EIF4E: variants seen among roughly 807,000 people sequenced by gnomAD.
EIF4E encodes the protein eIF-4F 25 kDa subunit.
For missense variants in EIF4E, 113 were observed against 265.6 expected, an observed-to-expected ratio of 0.43 and a Z score of 3.99; for synonymous variants, 71 against 88.5, an observed-to-expected ratio of 0.80 and a Z score of 1.11.
intron 3 of EIF4E, 105 bp from the exon 4 acceptor site, chr4:98,888,057 A>C: frequency 4.1e-6 from 4 of 982,458 alleles, no homozygotes; most frequent in Non-Finnish European, 4.5e-6. Context: ...AAACAGATAA[A>C]AGTTCATGTT....
At chr4:98,888,635 C>T (rs898119251) in intron 3 of EIF4E, among the ~76,000 whole-genome samples, 2 of 152,144 alleles carry the variant, frequency 1.3e-5, no homozygotes, top group Non-Finnish European at 1.5e-5. Flanking sequence ...ATAACATTTG[C>T]GATGACTTAG....
At chr4:98,900,467 A>C (rs1288913862) in intron 2 of EIF4E, among the ~76,000 whole-genome samples, 1 of 152,124 alleles carries the variant, frequency 6.6e-6, no homozygotes, top group Non-Finnish European at 1.5e-5. Flanking sequence ...CATTTAAAAA[A>C]ATTGAGATCA....
At chr4:98,922,251 T>C (rs1286979817) in intron 1 of EIF4E, among the ~76,000 whole-genome samples, 1 of 152,166 alleles carries the variant, frequency 6.6e-6, no homozygotes. Context: ...TTACTTCATC[T>C]GTACTGTTAA....
chr4:98,915,988 C>T (rs556347958), intron 1 of EIF4E, among the ~76,000 whole-genome samples: 11 of 151,028 alleles, frequency 7.3e-5, no homozygotes, highest in Admixed American at 5.9e-4. Flanking sequence ...GTCAGGAGTT[C>T]GAGACCAGCC....
chr4:98,886,915 A>G, intron 5 of EIF4E, 164 bp downstream of exon 5: 1 of 662,550 alleles, frequency 1.5e-6, no homozygotes, highest in Non-Finnish European at 2.6e-6. Flanking sequence ...TCACTGTACT[A>G]TAAACAGGAG....
At chr4:98,901,437 G>A (rs1364889081) in intron 2 of EIF4E, among the ~76,000 whole-genome samples, 1 of 151,602 alleles carries the variant, frequency 6.6e-6, no homozygotes, top group Admixed American at 6.6e-5. Context: ...GACCTCAGGT[G>A]ATCCGCCCGC....
chr4:98,881,217 A>G (rs1228520107), intron 6 of EIF4E, 75 bp from the exon 7 acceptor site: 1 of 1,537,264 alleles, frequency 6.5e-7, no homozygotes, highest in Non-Finnish European at 8.8e-7. Flanking sequence ...TTAAAAATTT[A>G]GGGTTATTAG....
Position 98,887,257 on chromosome 4 carries a change from A to G in EIF4E, c.286-65T>C. ...ACCTTGACTTTGAGAGATAATCATT[A>G]GAAACAGTTAAGCAACAACACTGTC... On this transcript the variant is annotated intron_variant, in intron 4 of 6. Transcript: ENST00000450253. This position sits in a 1 kb window ranked among gnomAD's most constrained non-coding sequence, Gnocchi z 4.0. 2 of 1,515,174 alleles carry G rather than the reference A, an allele frequency of 1.3e-6. No individual in the cohort carries two copies. Among genetic ancestry groups the G allele is most frequent in the Non-Finnish European group, 1.8e-6 (2 of 1,091,292 alleles). 93.9% of individuals were successfully genotyped at this position (1,515,174 alleles called of 1,614,324 possible). A position where few individuals can be genotyped will look rare whatever the true frequency, so the allele number is the denominator to read the frequency against.
chr4:98,905,197 C>T (rs1724818387), intron 1 of EIF4E, among the ~76,000 whole-genome samples: 1 of 149,590 alleles, frequency 6.7e-6, no homozygotes, highest in South Asian at 2.1e-4. Context: ...AAATTACATC[C>T]TAAATGACCG....
intron 1 of EIF4E, among the ~76,000 whole-genome samples, chr4:98,915,294 G>A (rs951498213): frequency 7.3e-5 from 11 of 151,220 alleles, no homozygotes; most frequent in Non-Finnish European, 1.5e-4. Context: ...GAAAAGGTAC[G>A]AAGAAGGATA....
chr4:98,911,358 T>G (rs1392575077), intron 1 of EIF4E, among the ~76,000 whole-genome samples: 1 of 141,758 alleles, frequency 7.1e-6, no homozygotes, highest in Non-Finnish European at 1.5e-5. Flanking sequence ...CATTCTTAAC[T>G]ACTAGAAAGA....
chr4:98,889,672 T>C (rs1486381520), intron 3 of EIF4E, among the ~76,000 whole-genome samples: 2 of 152,226 alleles, frequency 1.3e-5, no homozygotes, highest in South Asian at 2.1e-4. Context: ...AAACCTACTA[T>C]GTAATGACAT....
chr4:98,884,776 C>T lies in EIF4E; in HGVS notation c.539+146G>A, dbSNP rs576595045. The T allele has an allele frequency of 1.1e-4, 117 of 1,027,256 alleles. 1 individual carries two copies. The highest frequency in any genetic ancestry group is 3.2e-4 in the Middle Eastern group (1 of 3,132). The allele number at this position is 1,027,256 out of a possible 1,614,324, so 63.6% of individuals were successfully genotyped here. A position where few individuals can be genotyped will look rare whatever the true frequency, so the allele number is the denominator to read the frequency against. ...ACAAGACGTTGCGCACCAATTGAGC[C>T]GTTCAAAATTATAAAAGTGTTCACG... is the stretch of plus-strand genomic sequence containing the variant. On this transcript the variant is annotated intron_variant, in intron 6 of 6. Coordinates refer to ENST00000450253, the MANE Select transcript of EIF4E (RefSeq NM_001968.5).
chr4:98,928,388 GAC>G (rs1246785245), intron 1 of EIF4E, among the ~76,000 whole-genome samples: 1 of 152,008 alleles, frequency 6.6e-6, no homozygotes, highest in Non-Finnish European at 1.5e-5. Flanking sequence ...GCTTCACCGT[GAC>G]ACACGAGTGT....
rs568668899 is a variant in EIF4E, at chr4:98,896,479, C to T, written c.126-5147G>A. Reference sequence around the variant, plus strand: ...GCCTGAGCAACATAGCAAGACCCCGCATCTCTCAAAAAAAAAAAAAAAAAA... The same window carrying T: ...GCCTGAGCAACATAGCAAGACCCCGTATCTCTCAAAAAAAAAAAAAAAAAA... On this transcript the variant is annotated intron_variant, in intron 2 of 6. Transcript: ENST00000450253. 3.3e-5 allele frequency among the ~76,000 whole-genome samples: 3 copies of T among 90,910 alleles called. No individual in the cohort carries two copies. The East Asian group carries it at 1.1e-3, about 33-fold the overall frequency. 59.6% of individuals were successfully genotyped at this position (90,910 alleles called of 152,430 possible).
At chr4:98,893,277 G>C (rs1348844477) in intron 2 of EIF4E, among the ~76,000 whole-genome samples, 1 of 152,238 alleles carries the variant, frequency 6.6e-6, no homozygotes, top group African/African-American at 2.4e-5. Context: ...GATCAGAGTA[G>C]TGGTTGCTGA....
At chr4:98,896,418 G>A (rs928051070) in intron 2 of EIF4E, among the ~76,000 whole-genome samples, 5 of 146,544 alleles carry the variant, frequency 3.4e-5, no homozygotes, top group Non-Finnish European at 6.0e-5. Context: ...GAAGGGGAAG[G>A]GGAAAGGACT....
intron 6 of EIF4E, among the ~76,000 whole-genome samples, chr4:98,882,773 T>C (rs1199831684): frequency 6.6e-6 from 1 of 151,454 alleles, no homozygotes; most frequent in Non-Finnish European, 1.5e-5. Flanking sequence ...CTCAAAAACA[T>C]TTAATATTGA....
intron 1 of EIF4E, among the ~76,000 whole-genome samples, chr4:98,911,805 C>T (rs1725153719): frequency 6.6e-6 from 1 of 150,584 alleles, no homozygotes; most frequent in African/African-American, 2.4e-5. Flanking sequence ...TAGCTTAAGC[C>T]AACATCACAA....
Sources: gnomAD v4.1 joint callset for allele counts (sites outside exome capture counted in the v4.1 genomes callset) on GRCh38, gnomAD v4.1.1 for gene constraint, Gnocchi (gnomAD v3.1) non-coding constraint, MANE v1.5 for transcripts, NCBI Gene and HGNC (gene_info 2026-07-23, HGNC 2026-07-21) for gene names.